Variants in RBFOX1 observed in about 807,000 individuals in gnomAD.
RBFOX1 encodes RNA binding fox-1 homolog 1.
Under a neutral mutation model 57.7 loss-of-function variants are expected in RBFOX1, and 8 were observed. That is an observed-to-expected ratio of 0.14 (90% CI 0.08 to 0.25). The LOEUF (loss-of-function observed/expected upper bound fraction) is 0.25, where lower values mean the gene tolerates loss of function less well. RBFOX1 is among the 10% of genes least tolerant of loss of function. The pLI is 1.00. For missense variants in RBFOX1, 611 were observed against 548.5 expected (o/e 1.11, Z -1.14); for synonymous variants, 326 against 222.4 (o/e 1.47, Z -4.15).
intron 3 of RBFOX1, among the ~76,000 whole-genome samples, chr16:6,972,590 T>C (rs1204521815): frequency 6.6e-6 from 1 of 152,124 alleles, no homozygotes; most frequent in East Asian, 1.9e-4. Flanking sequence ...CTGATTGGAA[T>C]GTTCTGGGAG....
chr16:7,338,770 A>G (rs966721752), intron 4 of RBFOX1, among the ~76,000 whole-genome samples: 6 of 152,366 alleles, frequency 3.9e-5, no homozygotes, highest in African/African-American at 1.2e-4. Context: ...AGAAAGATAA[A>G]GAAATCTATA....
intron 1 of RBFOX1, among the ~76,000 whole-genome samples, chr16:6,207,821 G>A (rs992791148): frequency 6.6e-6 from 1 of 152,000 alleles, no homozygotes; most frequent in Non-Finnish European, 1.5e-5. Flanking sequence ...TTGCGTAGCT[G>A]GGACTACAGA....
At chr16:6,408,142 C>G (rs976859178) in intron 2 of RBFOX1, among the ~76,000 whole-genome samples, 2 of 152,098 alleles carry the variant, frequency 1.3e-5, no homozygotes, top group Admixed American at 6.5e-5. Context: ...TTCCCTGCCT[C>G]CAGAACTGTG....
intron 1 of RBFOX1, among the ~76,000 whole-genome samples, chr16:5,297,966 A>G (rs1048932864): frequency 1.3e-5 from 2 of 152,200 alleles, no homozygotes; most frequent in East Asian, 3.8e-4. Context: ...GGTGTAGCCC[A>G]GACACTTTTG....
intron 2 of RBFOX1, among the ~76,000 whole-genome samples, chr16:6,487,144 C>CTGTGTGTG (rs60180975): frequency 0.015 from 2,102 of 140,178 alleles, 22 homozygotes; most frequent in Middle Eastern, 0.044. Flanking sequence ...TGTGGGGTTT[C>CTGTGTGTG]TGTGTGTGTG....
chr16:5,296,473 A>G (rs2063671058), intron 1 of RBFOX1, among the ~76,000 whole-genome samples: 2 of 152,160 alleles, frequency 1.3e-5, no homozygotes, highest in South Asian at 4.1e-4. Context: ...TGGGCCAGAT[A>G]CTGTGCTTTG....
At chr16:7,141,573 A>G (rs1335906177) in intron 4 of RBFOX1, among the ~76,000 whole-genome samples, 1 of 152,170 alleles carries the variant, frequency 6.6e-6, no homozygotes, top group African/African-American at 2.4e-5. Flanking sequence ...AGGTGGGGCC[A>G]TTTATGGCTC....
chr16:6,955,045 A>T (rs1190377469), intron 3 of RBFOX1, among the ~76,000 whole-genome samples: 1 of 148,510 alleles, frequency 6.7e-6, no homozygotes, highest in Non-Finnish European at 1.5e-5. Context: ...AGCCTGGGCA[A>T]CACTGGGAAA....
chr16:5,367,935 T>C (rs2065764398), intron 1 of RBFOX1, among the ~76,000 whole-genome samples: 1 of 152,168 alleles, frequency 6.6e-6, no homozygotes, highest in East Asian at 1.9e-4. Flanking sequence ...CTCATGCACT[T>C]GACCTTGGGT....
intron 2 of RBFOX1, among the ~76,000 whole-genome samples, chr16:6,463,534 G>T (rs952757568): frequency 6.6e-6 from 1 of 152,130 alleles, no homozygotes; most frequent in Admixed American, 6.5e-5. Context: ...TCGGGGCGGA[G>T]TGTAAGTGGC....
chr16:5,465,799 T>C (rs1200062406), intron 1 of RBFOX1, among the ~76,000 whole-genome samples: 1 of 152,204 alleles, frequency 6.6e-6, no homozygotes, highest in Non-Finnish European at 1.5e-5. Flanking sequence ...GCTGAGGAAT[T>C]TGAGACTCAG....
At chr16:6,348,880 G>T (rs1425221403) in intron 2 of RBFOX1, among the ~76,000 whole-genome samples, 1 of 152,162 alleles carries the variant, frequency 6.6e-6, no homozygotes, top group South Asian at 2.1e-4. Flanking sequence ...AACCATATCA[G>T]ATGGCAACCC....
intron 4 of RBFOX1, among the ~76,000 whole-genome samples, chr16:7,077,778 A>G (rs1036198262): frequency 6.6e-6 from 1 of 152,166 alleles, no homozygotes; most frequent in Non-Finnish European, 1.5e-5. Context: ...TTTCCCTTGA[A>G]CTGATACTTA....
Position 5,771,912 on chromosome 16 carries a change from G to T in RBFOX1, c.319-95391G>T, listed in dbSNP as rs546991240. Among the ~76,000 whole-genome samples the T allele has an allele frequency of 1.2e-3, 185 of 152,270 alleles. 1 individual carries two copies. Among genetic ancestry groups the T allele is most frequent in the African/African-American group, 4.2e-3 (174 of 41,560 alleles). On this transcript the variant is annotated intron_variant, in intron 3 of 19. Coordinates refer to the RBFOX1 transcript ENST00000641259. ...GTTTGGGCTGGGCACAGTGGCTCAC[G>T]CCTGTAATCCCAGCACTTTGGGAGG...
At chr16:7,300,421 C>T (rs2096004599) in intron 4 of RBFOX1, among the ~76,000 whole-genome samples, 1 of 152,176 alleles carries the variant, frequency 6.6e-6, no homozygotes, top group African/African-American at 2.4e-5. Flanking sequence ...TACTTTCATG[C>T]TCACTTTAAT....
intron 3 of RBFOX1, among the ~76,000 whole-genome samples, chr16:6,861,379 A>G (rs1326308293): frequency 6.6e-6 from 1 of 152,160 alleles, no homozygotes; most frequent in East Asian, 1.9e-4. Context: ...TCTACAAGAC[A>G]AAAGATGGAC....
At chr16:6,331,190 C>T (rs767612136) in intron 2 of RBFOX1, among the ~76,000 whole-genome samples, 3 of 152,144 alleles carry the variant, frequency 2.0e-5, no homozygotes, top group Non-Finnish European at 4.4e-5. Context: ...GTGGTTCACA[C>T]GTGTAATCCC....
At chr16:5,618,755 C>G (rs931617836) in intron 3 of RBFOX1, among the ~76,000 whole-genome samples, 7 of 152,216 alleles carry the variant, frequency 4.6e-5, no homozygotes, top group Non-Finnish European at 1.0e-4. Flanking sequence ...GAAGCCAGCT[C>G]AGGAAGGTAA....
chr16:7,400,907 C>A lies in RBFOX1; in HGVS notation c.28-117240C>A, dbSNP rs148664800. On this transcript the variant is annotated intron_variant, in intron 4 of 15. Transcript: ENST00000550418. Reference sequence around the variant, plus strand: ...ACAGTGCGGTTGATGATCTTTGCAACTAAAGAAGCAAAATTGAAGTCTCAC... The same window carrying A: ...ACAGTGCGGTTGATGATCTTTGCAAATAAAGAAGCAAAATTGAAGTCTCAC... Among the ~76,000 whole-genome samples, 231 of 152,280 alleles carry A rather than the reference C, an allele frequency of 1.5e-3. 2 individuals carry two copies. The highest frequency in any genetic ancestry group is 0.01 in the Middle Eastern group (3 of 294).
Sources: allele counts gnomAD v4.1 joint callset (sites outside exome capture counted in the v4.1 genomes callset), GRCh38; gene constraint gnomAD v4.1.1; transcripts MANE v1.5; gene names NCBI Gene and HGNC (gene_info 2026-07-23, HGNC 2026-07-21).